The following CREB5 variants were observed in gnomAD, a reference collection of about 807,000 sequenced individuals.
The protein encoded by CREB5 is cAMP responsive element binding protein 5.
A neutral mutation model predicts 57.1 loss-of-function variants in CREB5; 19 were observed. That is an observed-to-expected ratio of 0.33 (90% CI 0.23 to 0.49). The LOEUF (loss-of-function observed/expected upper bound fraction) is 0.49, where lower values mean the gene tolerates loss of function less well. CREB5 is among the 20% of genes least tolerant of loss of function. The pLI is 0.99. For missense variants in CREB5, 579 were observed against 671.6 expected (o/e 0.86, Z 1.52); for synonymous variants, 238 against 238.3 (o/e 1.00, Z 0.01).
chr7:28,561,105 TC>T (rs1297218892), intron 4 of CREB5, among the ~76,000 whole-genome samples: 1 of 152,172 alleles, frequency 6.6e-6, no homozygotes, highest in Non-Finnish European at 1.5e-5. Context: ...TCATATTCCT[TC>T]TAAGCTGGAG....
chr7:28,411,913 G>A (rs1787820072), upstream of CREB5, among the ~76,000 whole-genome samples: 1 of 151,850 alleles, frequency 6.6e-6, no homozygotes, highest in Non-Finnish European at 1.5e-5. Context: ...TATGTGCATC[G>A]AAAATGTTGA....
rs772818515 is a variant in CREB5 at position 28,818,080 on chromosome 7, T to A, written c.1264T>A (p.Ser422Thr). The A allele has an allele frequency of 3.1e-5, 50 of 1,613,118 alleles. No individual in the cohort carries two copies. In the Admixed American group the frequency reaches 8.2e-4, roughly 26 times the overall value. ...QTNMQLQNEVSMLKNEVAQLK... is the reference protein window; with the variant it reads ...QTNMQLQNEVTMLKNEVAQLK... ...TACATATCTCTTTTAGAATGAAGTG[T>A]CTATGTTGAAAAATGAGGTGGCCCA... is the stretch of plus-strand genomic sequence containing the variant. Residue 422 changes from serine to threonine, a missense_variant, in exon 10 of 11, where the codon TCT becomes ACT. This residue lies in a region of CREB5 where 114 missense variants were observed against 130.8 expected (regional missense o/e 0.87). Transcript: ENST00000357727.
In CREB5 at chr7:28,737,537, ACG is replaced by A. The variant is rs1486222862; in HGVS notation, c.702+13206_702+13207del. 3.1e-3 allele frequency among the ~76,000 whole-genome samples: 171 copies of A among 55,744 alleles called. 1 individual carries two copies. The highest frequency in any genetic ancestry group is 4.9e-3 in the Non-Finnish European group (145 of 29,390). The allele number at this position is 55,744 out of a possible 152,430, so 36.6% of individuals were successfully genotyped here. A position where few individuals can be genotyped will look rare whatever the true frequency, so the allele number is the denominator to read the frequency against. On this transcript the variant is annotated intron_variant, in intron 7 of 10. Coordinates refer to ENST00000357727, the MANE Select transcript of CREB5 (RefSeq NM_182898.4). ...TGTGTGTGTATATATGTATATATAT[ACG>A]TATATATATATATATATATATATAT...
chr7:28,426,109 A>G (rs935439707), intron 1 of CREB5, among the ~76,000 whole-genome samples: 1 of 152,142 alleles, frequency 6.6e-6, no homozygotes, highest in Non-Finnish European at 1.5e-5. Flanking sequence ...GATTCCCCCT[A>G]TTAACTGAGA....
intron 5 of CREB5, among the ~76,000 whole-genome samples, chr7:28,594,806 A>G (rs894570245): frequency 6.6e-6 from 1 of 152,162 alleles, no homozygotes; most frequent in African/African-American, 2.4e-5. Context: ...CCCTTCATAC[A>G]TGTGAGGCCC....
chr7:28,502,395 A>T (rs1194971389), intron 3 of CREB5, among the ~76,000 whole-genome samples: 1 of 151,692 alleles, frequency 6.6e-6, no homozygotes, highest in Non-Finnish European at 1.5e-5. Context: ...CCAAAAAAAA[A>T]TATGAAAAGT....
At chr7:28,690,492 G>T (rs923073434) in intron 5 of CREB5, among the ~76,000 whole-genome samples, 2 of 152,182 alleles carry the variant, frequency 1.3e-5, no homozygotes, top group Non-Finnish European at 2.9e-5. Context: ...CCTGAAAAGA[G>T]CATGGCCTTT....
intron 1 of CREB5, among the ~76,000 whole-genome samples, chr7:28,420,264 T>C (rs561178572): frequency 1.3e-4 from 20 of 152,342 alleles, no homozygotes; most frequent in Admixed American, 1.0e-3. Flanking sequence ...ATGTGCTTTC[T>C]TTCTTTTTTC....
At chr7:28,369,325 G>A (rs1042397643) in intron 1 of CREB5, among the ~76,000 whole-genome samples, 1 of 152,124 alleles carries the variant, frequency 6.6e-6, no homozygotes, top group Admixed American at 6.5e-5. Flanking sequence ...GTAACCACTT[G>A]CAGCTCACCT....
intron 1 of CREB5, among the ~76,000 whole-genome samples, chr7:28,418,944 GC>G (rs747353590): frequency 2.0e-5 from 3 of 152,184 alleles, no homozygotes; most frequent in Admixed American, 6.5e-5. Context: ...TCTTTCGGGT[GC>G]TTTCCCATGC....
At chr7:28,549,759 T>A (rs929824570) in intron 4 of CREB5, among the ~76,000 whole-genome samples, 3 of 152,188 alleles carry the variant, frequency 2.0e-5, no homozygotes, top group Non-Finnish European at 4.4e-5. Context: ...ATCCTGAGCA[T>A]GAGAAACCTA....
At chr7:28,440,966 C>A (rs1789163342) in intron 1 of CREB5, among the ~76,000 whole-genome samples, 1 of 152,108 alleles carries the variant, frequency 6.6e-6, no homozygotes, top group Non-Finnish European at 1.5e-5. Flanking sequence ...GTTTTGGTTT[C>A]AATAAAATCC....
intron 1 of CREB5, among the ~76,000 whole-genome samples, chr7:28,485,844 T>C (rs960224097): frequency 6.6e-6 from 1 of 152,182 alleles, no homozygotes; most frequent in Non-Finnish European, 1.5e-5. Flanking sequence ...ACCTCTTATT[T>C]TGAGACTTAG....
intron 5 of CREB5, among the ~76,000 whole-genome samples, chr7:28,654,445 T>C (rs1799258278): frequency 6.6e-6 from 1 of 152,232 alleles, no homozygotes. Flanking sequence ...TATTACATAT[T>C]GTGGAGCACT....
intron 7 of CREB5, among the ~76,000 whole-genome samples, chr7:28,776,512 AAG>A (rs1806654477): frequency 6.6e-6 from 1 of 152,210 alleles, no homozygotes; most frequent in Admixed American, 6.5e-5. Flanking sequence ...ATAAGAAGGC[AAG>A]AGAGTTTTTT....
At chr7:28,808,041 GC>G (rs1808850962) in intron 8 of CREB5, among the ~76,000 whole-genome samples, 1 of 152,192 alleles carries the variant, frequency 6.6e-6, no homozygotes. Context: ...AAAGTGCTTT[GC>G]CACTCAGGAT....
intron 5 of CREB5, among the ~76,000 whole-genome samples, chr7:28,648,989 C>T (rs564398126): frequency 3.3e-5 from 5 of 152,258 alleles, no homozygotes; most frequent in South Asian, 2.1e-4. Context: ...TTCTGGATGA[C>T]GAGCAACATT....
intron 1 of CREB5, among the ~76,000 whole-genome samples, chr7:28,466,258 G>C (rs1183335044): frequency 6.7e-6 from 1 of 148,710 alleles, no homozygotes; most frequent in South Asian, 2.1e-4. Context: ...TAGCTTAGTT[G>C]GTACTTCATA....
chr7:28,818,226 G>C, intron 10 of CREB5, 47 bp downstream of exon 10: 2 of 1,400,350 alleles, frequency 1.4e-6, no homozygotes, highest in African/African-American at 2.9e-5. Context: ...AATATTTTTT[G>C]CCACTAAGTT....
Sources: allele counts gnomAD v4.1 joint callset (sites outside exome capture counted in the v4.1 genomes callset), GRCh38; gene constraint gnomAD v4.1.1; regional missense constraint gnomAD v4.1.1; transcripts MANE v1.5; gene names NCBI Gene and HGNC (gene_info 2026-07-23, HGNC 2026-07-21).